The following LRP2 variants were observed in gnomAD, a reference collection of about 807,000 sequenced individuals.
The protein encoded by LRP2 is LDL receptor related protein 2.
Under a neutral mutation model 531.0 loss-of-function variants are expected in LRP2, and 172 were observed. That is an observed-to-expected ratio of 0.32 (90% CI 0.29 to 0.37). LRP2 has a LOEUF of 0.37. LRP2 is among the 10% of genes least tolerant of loss of function. LRP2 has a pLI of 1.00. For missense variants in LRP2, 5,167 were observed against 5,868.3 expected (o/e 0.88, Z 3.90); for synonymous variants, 1,992 against 2,027.6 (o/e 0.98, Z 0.47).
chr2:169,238,087 T>C lies in LRP2; in HGVS notation c.4506+4A>G. The C allele has an allele frequency of 6.2e-7, 1 of 1,613,638 alleles. No homozygotes were observed. On this transcript the variant is annotated splice_donor_region_variant and intron_variant, in intron 27 of 78. Coordinates refer to ENST00000649046, the MANE Select transcript of LRP2 (RefSeq NM_004525.3). ...AGGCCAAAGGTCAACAGAAATGTAC[T>C]TACCACTCTTCTGTCCGTTCCATTT... is the stretch of plus-strand genomic sequence containing the variant.
chr2:169,353,604 C>G (rs899920956), intron 1 of LRP2, among the ~76,000 whole-genome samples: 3 of 152,146 alleles, frequency 2.0e-5, no homozygotes, highest in Non-Finnish European at 4.4e-5. Flanking sequence ...TGTATCACCC[C>G]CCTTCTAGTG....
chr2:169,261,861 C>A (rs957361663), intron 16 of LRP2, among the ~76,000 whole-genome samples: 104 of 152,060 alleles, frequency 6.8e-4, no homozygotes, highest in Admixed American at 1.3e-3. Context: ...TACTGGCAAA[C>A]CGAATCCAGC....
chr2:169,199,025 T>C, intron 44 of LRP2, 114 bp from the exon 45 acceptor site: 1 of 1,060,668 alleles, frequency 9.4e-7, no homozygotes, highest in Non-Finnish European at 1.4e-6. Context: ...AGGGCGGCAT[T>C]TTCAAAGCCA....
rs192813501 is a variant in LRP2 at position 169,294,144 on chromosome 2, G to A, written c.652+4C>T. 66 of 1,591,150 alleles carry A rather than the reference G, an allele frequency of 4.1e-5. No homozygotes were observed. The African/African-American group carries it at 6.0e-4, about 15-fold the overall frequency. The stretch of plus-strand genomic sequence containing the variant: ...CATGACCCAGCATAAAGAAATCACC[G>A]TACTGCAAGCATGTTCGTCACTGCC... On this transcript the variant is annotated splice_donor_region_variant and intron_variant, in intron 6 of 78. Transcript: ENST00000649046.
chr2:169,195,715 A>G (rs1170743446), intron 46 of LRP2, among the ~76,000 whole-genome samples: 10 of 152,196 alleles, frequency 6.6e-5, no homozygotes, highest in Non-Finnish European at 1.5e-4. Flanking sequence ...CTACTCATCC[A>G]GCAGTTATTA....
intron 33 of LRP2, among the ~76,000 whole-genome samples, chr2:169,225,062 G>A (rs1689149774): frequency 6.6e-6 from 1 of 152,016 alleles, no homozygotes. Flanking sequence ...CTGCACTCCA[G>A]CCTGGGCGAC....
At chr2:169,238,334 G>A in intron 26 of LRP2, 32 bp from the exon 27 acceptor site, 1 of 1,402,490 alleles carries the variant, frequency 7.1e-7, no homozygotes, top group East Asian at 2.3e-5. Context: ...AAATGTCAAT[G>A]ATACTGGGAG....
At position 169,254,185 on chromosome 2, in the gene LRP2, C is replaced by G. The variant is rs1365911615; in HGVS notation, c.2770+1921G>C. On this transcript the variant is annotated intron_variant, in intron 19 of 78. Transcript: ENST00000649046. ...TATAAATCATGCTGCTATAAAGACA[C>G]ATGCACACGTATGTTTATTGTGGCA... is the stretch of plus-strand genomic sequence containing the variant. Among the ~76,000 whole-genome samples, 2 of 40,030 alleles carry G rather than the reference C, an allele frequency of 5.0e-5. 1 individual carries two copies. The highest frequency in any genetic ancestry group is 3.3e-4 in the African/African-American group (2 of 6,054). The allele number at this position is 40,030 out of a possible 152,430, so 26.3% of individuals were successfully genotyped here.
intron 23 of LRP2, 99 bp from the exon 24 acceptor site, chr2:169,243,171 T>G: frequency 1.9e-6 from 2 of 1,042,488 alleles, no homozygotes; most frequent in South Asian, 2.6e-5. Context: ...AGTTCTGGAG[T>G]ACATATGCAG....
At chr2:169,154,379 A>G in intron 66 of LRP2, 81 bp downstream of exon 66, 1 of 1,332,136 alleles carries the variant, frequency 7.5e-7, no homozygotes, top group Non-Finnish European at 1.1e-6. Flanking sequence ...CTCATTAAAC[A>G]ATAAATTCCT....
At chr2:169,355,453 T>C (rs1313312003) in intron 1 of LRP2, among the ~76,000 whole-genome samples, 1 of 152,188 alleles carries the variant, frequency 6.6e-6, no homozygotes, top group Non-Finnish European at 1.5e-5. Context: ...CATTTCTCTC[T>C]GGACTCCACC....
At chr2:169,268,627 C>A (rs909927020) in intron 16 of LRP2, among the ~76,000 whole-genome samples, 20 of 152,296 alleles carry the variant, frequency 1.3e-4, no homozygotes, top group Middle Eastern at 3.4e-3. Context: ...CTATTTATGA[C>A]AAACCCACAG....
Position 169,139,295 on chromosome 2 carries a change from A to G in LRP2, c.13344T>C (p.Tyr4448=), listed in dbSNP as rs1200910392. The G allele has an allele frequency of 8.7e-6, 14 of 1,614,172 alleles. No homozygotes were observed. The highest frequency in any genetic ancestry group is 1.6e-4 in the Middle Eastern group (1 of 6,062). Residue 4448 remains tyrosine, a synonymous_variant, in exon 74 of 79, where the codon TAT becomes TAC. Coordinates refer to ENST00000649046, the MANE Select transcript of LRP2 (RefSeq NM_004525.3). ...CAGGCAAAAGGGAGCCGGTCCTTCT[A>G]TAGTGGAAGAATCCTGCAATTGCCA... ...GALAIAGFFH[Y]RRTGSLLPAL... is the part of the protein sequence containing the mutation.
chr2:169,157,711 A>G (rs1384178746), intron 63 of LRP2, among the ~76,000 whole-genome samples: 2 of 151,978 alleles, frequency 1.3e-5, no homozygotes, highest in African/African-American at 2.4e-5. Context: ...AATGCATATA[A>G]TGCTAAAACT....
chr2:169,146,741 T>A lies in LRP2; in HGVS notation c.12809A>T (p.Glu4270Val). The change falls in exon 69 of 79, where the codon GAA becomes GTA. Residue 4270 changes from glutamate (E) to valine (V), a missense_variant and splice_region_variant. Physicochemically the swap from Glu to Val is moderately radical, Grantham distance 121. Coordinates refer to ENST00000649046, the MANE Select transcript of LRP2 (RefSeq NM_004525.3). ...TTACTTTCTAACTAATTTCTAACCT[T>A]CCTTTGCAATGACTCTCCTATCAGT... ...DGTDRRVIAK[E>V]AMNPYSLDIF... is the part of the protein sequence containing the mutation. 1 of 1,608,870 alleles carries A rather than the reference T, an allele frequency of 6.2e-7. No individual in the cohort carries two copies. Among genetic ancestry groups the A allele is most frequent in the Non-Finnish European group, 8.5e-7 (1 of 1,175,186 alleles).
rs1012302256 is a variant in LRP2 at position 169,274,257 on chromosome 2, C to G, written c.1975+779G>C. On this transcript the variant is annotated intron_variant, in intron 14 of 78. Coordinates refer to ENST00000649046, the MANE Select transcript of LRP2 (RefSeq NM_004525.3). ...CTATATACAGTCCTGATAGACTTAT[C>G]AAAGCTCAAGCTATAACCTGGAAAC... 2.0e-5 allele frequency among the ~76,000 whole-genome samples: 3 copies of G among 152,052 alleles called. No homozygotes were observed. The East Asian group carries it at 5.8e-4, about 29-fold the overall frequency.
chr2:169,293,513 T>C (rs1050663035), intron 6 of LRP2, among the ~76,000 whole-genome samples: 1 of 151,984 alleles, frequency 6.6e-6, no homozygotes, highest in Non-Finnish European at 1.5e-5. Flanking sequence ...CCATCTCTAC[T>C]AAAAACACAA....
intron 1 of LRP2, among the ~76,000 whole-genome samples, chr2:169,328,714 T>C (rs573999180): frequency 6.6e-6 from 1 of 152,124 alleles, no homozygotes; most frequent in African/African-American, 2.4e-5. Flanking sequence ...AAGGGGAACC[T>C]GAGCCTCAGT....
intron 1 of LRP2, among the ~76,000 whole-genome samples, chr2:169,337,859 C>A (rs1479200008): frequency 6.6e-5 from 10 of 152,220 alleles, no homozygotes; most frequent in Non-Finnish European, 1.5e-4. Flanking sequence ...ATAATCCCAA[C>A]ACTTTGGGAG....
Sources: gnomAD v4.1 joint callset for allele counts (sites outside exome capture counted in the v4.1 genomes callset) on GRCh38, gnomAD v4.1.1 for gene constraint, MANE v1.5 for transcripts, NCBI Gene and HGNC (gene_info 2026-07-23, HGNC 2026-07-21) for gene names.